TSHZ1: variants seen among roughly 807,000 people sequenced by gnomAD.
TSHZ1 encodes the protein teashirt zinc finger homeobox 1, also known as teashirt homolog 1.
Under a neutral mutation model 67.1 loss-of-function variants are expected in TSHZ1, and 12 were observed. The observed-to-expected ratio is 0.18, with a 90% confidence interval of 0.11 to 0.29. TSHZ1 has a LOEUF of 0.29. TSHZ1 is among the 10% of genes least tolerant of loss of function. The probability of loss-of-function intolerance (pLI) is 1.00; values close to 1 mark genes in which losing one functional copy is unlikely to be tolerated. For synonymous variants in TSHZ1, 632 were observed against 622.4 expected (o/e 1.02, Z -0.23); for missense variants, 1,305 against 1,413.9 (o/e 0.92, Z 1.23).
At chr18:75,248,901 G>A (rs1057069732) in intron 1 of TSHZ1, among the ~76,000 whole-genome samples, 2 of 152,202 alleles carry the variant, frequency 1.3e-5, no homozygotes, top group African/African-American at 2.4e-5. Context: ...AGAAGCTGGT[G>A]TGCCGTGAAG....
intron 1 of TSHZ1, among the ~76,000 whole-genome samples, chr18:75,253,413 A>G (rs1354123434): frequency 6.6e-6 from 1 of 152,248 alleles, no homozygotes; most frequent in Non-Finnish European, 1.5e-5. Context: ...GATTTTTAAA[A>G]AATCAAATAT....
At chr18:75,243,061 A>T (rs2023176761) in intron 1 of TSHZ1, among the ~76,000 whole-genome samples, 1 of 152,170 alleles carries the variant, frequency 6.6e-6, no homozygotes, top group Non-Finnish European at 1.5e-5. Context: ...CAGATCAGAG[A>T]GGTCCTGGGT....
chr18:75,277,930 C>G (rs141988030), intron 1 of TSHZ1, among the ~76,000 whole-genome samples: 6 of 152,056 alleles, frequency 3.9e-5, no homozygotes, highest in Non-Finnish European at 5.9e-5. Flanking sequence ...TCCCAAGGAG[C>G]GAGTGAGTGT....
intron 1 of TSHZ1, among the ~76,000 whole-genome samples, chr18:75,238,160 G>A (rs754079740): frequency 4.6e-5 from 7 of 152,146 alleles, no homozygotes; most frequent in Non-Finnish European, 1.0e-4. Flanking sequence ...GCTACCCACC[G>A]GTTACTGCTG....
In TSHZ1 at chr18:75,287,300, G is replaced by A. The variant is rs145239521; in HGVS notation, c.1893G>A (p.Pro631=). ...LHSPGSLTPP[P]HKSNVSAMEE... ...CCCCAGGGAGCCTCACGCCCCCACC[G>A]CACAAGAGCAACGTGTCTGCCATGG... The change falls in exon 2 of 2, where the codon CCG becomes CCA. Residue 631 remains proline (P), a synonymous_variant. Transcript: ENST00000580243. This position sits in a 1 kb window ranked among gnomAD's most constrained non-coding sequence, Gnocchi z 5.0. 102 of 1,613,972 alleles carry A rather than the reference G, an allele frequency of 6.3e-5. No individual in the cohort carries two copies. The highest frequency in any genetic ancestry group is 1.3e-4 in the East Asian group (6 of 44,856).
chr18:75,227,559 G>A (rs2022942541), intron 1 of TSHZ1, among the ~76,000 whole-genome samples: 1 of 152,150 alleles, frequency 6.6e-6, no homozygotes, highest in Non-Finnish European at 1.5e-5. Flanking sequence ...AAAGCATTTG[G>A]CTAAAATAAA....
chr18:75,217,930 G>A lies in TSHZ1; in HGVS notation c.40+6014G>A, dbSNP rs763256464. Reference sequence around the variant, plus strand: ...AAAAATATTCTGAAAACTTAAAGAGGTGTGCTACCCAGGGGGATTCTTTCT... The same window carrying A: ...AAAAATATTCTGAAAACTTAAAGAGATGTGCTACCCAGGGGGATTCTTTCT... On this transcript the variant is annotated intron_variant, in intron 1 of 1. Coordinates refer to ENST00000580243, the MANE Select transcript of TSHZ1 (RefSeq NM_001308210.2). 4.6e-5 allele frequency among the ~76,000 whole-genome samples: 7 copies of A among 152,188 alleles called. 1 individual carries two copies. The highest frequency in any genetic ancestry group is 9.7e-5 in the African/African-American group (4 of 41,442).
intron 1 of TSHZ1, among the ~76,000 whole-genome samples, chr18:75,261,060 G>A (rs1034000252): frequency 1.3e-5 from 2 of 151,922 alleles, no homozygotes; most frequent in Admixed American, 6.6e-5. Flanking sequence ...TTCCGCTCAC[G>A]TTTCATTGGC....
chr18:75,276,534 G>A (rs909353051), intron 1 of TSHZ1, among the ~76,000 whole-genome samples: 6 of 152,118 alleles, frequency 3.9e-5, no homozygotes, highest in Non-Finnish European at 5.9e-5. Context: ...CGAAGGTGAC[G>A]TTACTTTATG....
chr18:75,280,039 C>T (rs2023665808), intron 1 of TSHZ1, among the ~76,000 whole-genome samples: 1 of 152,164 alleles, frequency 6.6e-6, no homozygotes, highest in Non-Finnish European at 1.5e-5. Context: ...CTGTAACATT[C>T]TTTGAAAAGG....
chr18:75,218,648 G>A (rs1475862991), intron 1 of TSHZ1, among the ~76,000 whole-genome samples: 3 of 152,164 alleles, frequency 2.0e-5, no homozygotes, highest in East Asian at 1.9e-4. Context: ...TGTGGGGGCC[G>A]GGCTGGGGGG....
intron 1 of TSHZ1, among the ~76,000 whole-genome samples, chr18:75,249,480 GT>G (rs11333972): frequency 0.18 from 26,415 of 145,856 alleles, 2,712 homozygotes; most frequent in East Asian, 0.29. Flanking sequence ...GGTGGCTTTG[GT>G]AGGGGGGAAG....
chr18:75,230,690 A>C (rs1234481510), intron 1 of TSHZ1, among the ~76,000 whole-genome samples: 1 of 152,208 alleles, frequency 6.6e-6, no homozygotes, highest in African/African-American at 2.4e-5. Context: ...TGCAAACATC[A>C]TGCGTGCGAA....
chr18:75,282,679 C>T (rs1334284620), intron 1 of TSHZ1, among the ~76,000 whole-genome samples: 6 of 152,190 alleles, frequency 3.9e-5, no homozygotes, highest in African/African-American at 1.4e-4. Context: ...AGAGCCCTCA[C>T]CAGAAACCAA....
At chr18:75,250,551 G>C (rs927781094) in intron 1 of TSHZ1, among the ~76,000 whole-genome samples, 2 of 152,210 alleles carry the variant, frequency 1.3e-5, no homozygotes, top group Non-Finnish European at 2.9e-5. Context: ...CAGCGTGCTG[G>C]GCCAGCCAGG....
intron 1 of TSHZ1, among the ~76,000 whole-genome samples, chr18:75,219,657 G>A (rs568229268): frequency 6.6e-6 from 1 of 152,076 alleles, no homozygotes; most frequent in Admixed American, 6.5e-5. Context: ...TAGACTTTTT[G>A]GGGGAAAAAC....
chr18:75,212,098 A>G lies in TSHZ1; in HGVS notation c.40+182A>G, dbSNP rs749318752. Among the ~76,000 whole-genome samples, 198 of 151,880 alleles carry G rather than the reference A, an allele frequency of 1.3e-3. 2 individuals carry two copies. Among genetic ancestry groups the G allele is most frequent in the Non-Finnish European group, 2.4e-3 (162 of 67,882 alleles). ...GTCGCCGTCCTCCCCCACACCCCCA[A>G]CCTGGGCCGGCGCGTGGAGCAGAGA... On this transcript the variant is annotated intron_variant, in intron 1 of 1. Transcript: ENST00000580243.
At chr18:75,222,176 G>T (rs962469871) in intron 1 of TSHZ1, among the ~76,000 whole-genome samples, 9 of 151,940 alleles carry the variant, frequency 5.9e-5, no homozygotes, top group Admixed American at 5.2e-4. Context: ...TTAGAGGGGG[G>T]TTGTGCTACC....
intron 1 of TSHZ1, among the ~76,000 whole-genome samples, chr18:75,241,684 C>T (rs868648967): frequency 9.2e-5 from 14 of 152,258 alleles, no homozygotes; most frequent in African/African-American, 2.6e-4. Context: ...AAACCATAAA[C>T]AAACCAATAG....
Sources: gnomAD v4.1 joint callset for allele counts (sites outside exome capture counted in the v4.1 genomes callset) on GRCh38, gnomAD v4.1.1 for gene constraint, Gnocchi (gnomAD v3.1) non-coding constraint, MANE v1.5 for transcripts, NCBI Gene and HGNC (gene_info 2026-07-23, HGNC 2026-07-21) for gene names.